GKAP1: variants seen among roughly 807,000 people sequenced by gnomAD.
GKAP1 encodes G kinase anchoring protein 1.
A neutral mutation model predicts 56.7 loss-of-function variants in GKAP1; 31 were observed. The observed-to-expected ratio is 0.55, with a 90% confidence interval of 0.41 to 0.74. GKAP1 has a LOEUF of 0.74. GKAP1 is among the 30% of genes least tolerant of loss of function. The pLI, the probability that GKAP1 is intolerant of heterozygous loss-of-function variation, is 0.00. For synonymous variants in GKAP1, 151 were observed against 138.6 expected (o/e 1.09, Z -0.63); for missense variants, 364 against 402.3 (o/e 0.90, Z 0.82).
At chr9:83,788,210 G>A (rs535129713) in intron 5 of GKAP1, among the ~76,000 whole-genome samples, 6 of 152,228 alleles carry the variant, frequency 3.9e-5, no homozygotes, top group Admixed American at 1.3e-4. Context: ...CCTGGGAGGC[G>A]GAGGTTGCAG....
intron 8 of GKAP1, 124 bp downstream of exon 8, chr9:83,768,694 A>G: frequency 1.3e-6 from 1 of 790,904 alleles, no homozygotes; most frequent in Admixed American, 2.8e-5. Flanking sequence ...GATAATTACT[A>G]AGATCATATC....
At chr9:83,796,805 C>A (rs1036089871) in intron 4 of GKAP1, among the ~76,000 whole-genome samples, 1 of 152,152 alleles carries the variant, frequency 6.6e-6, no homozygotes, top group African/African-American at 2.4e-5. Flanking sequence ...CTTTTAATTT[C>A]TCTCAGTCAC....
intron 8 of GKAP1, among the ~76,000 whole-genome samples, chr9:83,763,852 T>A (rs1421144): frequency 6.6e-6 from 1 of 152,078 alleles, no homozygotes; most frequent in African/African-American, 2.4e-5. Context: ...TAATAATCGA[T>A]AAAACTGTTT....
chr9:83,760,991 GAAGA>G (rs1004188647), intron 8 of GKAP1, among the ~76,000 whole-genome samples: 19 of 150,636 alleles, frequency 1.3e-4, no homozygotes, highest in Admixed American at 3.3e-4. Flanking sequence ...CACAAAATGA[GAAGA>G]AAGAAATAAT....
chr9:83,809,639 A>G (rs2131327035), intron 2 of GKAP1, among the ~76,000 whole-genome samples: 1 of 152,338 alleles, frequency 6.6e-6, no homozygotes, highest in South Asian at 2.1e-4. Context: ...CTCTATATTG[A>G]TTATATTTTT....
intron 5 of GKAP1, among the ~76,000 whole-genome samples, chr9:83,786,382 A>C (rs1944063714): frequency 6.6e-6 from 1 of 152,106 alleles, no homozygotes; most frequent in South Asian, 2.1e-4. Context: ...GTCTCTACTA[A>C]AAGTACAAAA....
chr9:83,764,012 T>C (rs1403541541), intron 8 of GKAP1, among the ~76,000 whole-genome samples: 2 of 152,108 alleles, frequency 1.3e-5, no homozygotes, highest in African/African-American at 4.8e-5. Context: ...TGTCCTGAAA[T>C]ATACAAATAT....
intron 3 of GKAP1, among the ~76,000 whole-genome samples, chr9:83,804,261 C>T (rs1378724591): frequency 3.4e-5 from 5 of 146,756 alleles, no homozygotes; most frequent in African/African-American, 1.0e-4. Context: ...GGGGCTCAGC[C>T]CCCCGCCCGG....
At chr9:83,758,881 G>A (rs1213594235) in intron 8 of GKAP1, among the ~76,000 whole-genome samples, 1 of 152,138 alleles carries the variant, frequency 6.6e-6, no homozygotes, top group African/African-American at 2.4e-5. Context: ...CTTTCTCTGA[G>A]AAAGGAGCAC....
chr9:83,761,679 C>T (rs995297902), intron 8 of GKAP1, among the ~76,000 whole-genome samples: 12 of 151,910 alleles, frequency 7.9e-5, no homozygotes, highest in African/African-American at 2.9e-4. Flanking sequence ...ATACTGAATT[C>T]AACAACACAT....
chr9:83,790,422 C>T (rs903798285), intron 4 of GKAP1, among the ~76,000 whole-genome samples: 1 of 152,106 alleles, frequency 6.6e-6, no homozygotes, highest in African/African-American at 2.4e-5. Flanking sequence ...CTCCACCTAA[C>T]CTCATGGCAA....
At chr9:83,805,127 T>A (rs1026489599) in intron 3 of GKAP1, among the ~76,000 whole-genome samples, 99 of 152,308 alleles carry the variant, frequency 6.5e-4, no homozygotes, top group African/African-American at 2.1e-3. Context: ...TGTACTAAGA[T>A]AAATTCTTCT....
intron 7 of GKAP1, among the ~76,000 whole-genome samples, chr9:83,772,916 CAA>C (rs888703384): frequency 4.6e-5 from 7 of 152,066 alleles, no homozygotes; most frequent in East Asian, 1.9e-4. Flanking sequence ...ATAATCAAAA[CAA>C]GAGATAATAT....
intron 2 of GKAP1, among the ~76,000 whole-genome samples, chr9:83,812,740 A>G (rs1944529557): frequency 1.3e-5 from 2 of 152,172 alleles, no homozygotes; most frequent in Admixed American, 6.5e-5. Flanking sequence ...TAATGTAATC[A>G]ATACAATATT....
chr9:83,777,719 TC>T (rs1229461567), intron 7 of GKAP1, among the ~76,000 whole-genome samples: 5 of 152,016 alleles, frequency 3.3e-5, no homozygotes, highest in African/African-American at 1.2e-4. Flanking sequence ...GAAAAAAAAA[TC>T]CCTTGGCCTA....
chr9:83,752,439 C>A (rs1199668598), intron 9 of GKAP1, among the ~76,000 whole-genome samples: 1 of 151,900 alleles, frequency 6.6e-6, no homozygotes. Flanking sequence ...AACAAAAAAA[C>A]CACATTATGC....
At chr9:83,751,322 C>A (rs1228631214) in intron 9 of GKAP1, among the ~76,000 whole-genome samples, 3 of 152,084 alleles carry the variant, frequency 2.0e-5, no homozygotes, top group Admixed American at 6.5e-5. Context: ...AGATCTTTAC[C>A]AATTTTTGAT....
chr9:83,776,965 T>C (rs1383004083), intron 7 of GKAP1, among the ~76,000 whole-genome samples: 1 of 152,230 alleles, frequency 6.6e-6, no homozygotes, highest in Non-Finnish European at 1.5e-5. Context: ...GGAAGTAGGT[T>C]GTAGAGACAG....
chr9:83,749,735 G>A (rs1431722438), intron 9 of GKAP1, among the ~76,000 whole-genome samples: 2 of 151,128 alleles, frequency 1.3e-5, no homozygotes, highest in East Asian at 3.9e-4. Context: ...AATAAAGATG[G>A]CTTTTACTAA....
Sources: allele counts gnomAD v4.1 joint callset (sites outside exome capture counted in the v4.1 genomes callset), GRCh38; gene constraint gnomAD v4.1.1; transcripts MANE v1.5; gene names NCBI Gene and HGNC (gene_info 2026-07-23, HGNC 2026-07-21).